Variants in DENND6B observed in about 807,000 individuals in gnomAD.
DENND6B encodes the protein DENN domain containing 6B, also known as protein DENND6B.
DENND6B carries 73 observed loss-of-function variants against 85.1 expected under a neutral mutation model. The observed-to-expected ratio is 0.86, with a 90% CI of 0.71 to 1.04. The LOEUF (loss-of-function observed/expected upper bound fraction) is 1.04, where lower values mean the gene tolerates loss of function less well. DENND6B is among the 50% of genes least tolerant of loss of function. The probability of loss-of-function intolerance (pLI) is 0.00; values close to 1 mark genes in which losing one functional copy is unlikely to be tolerated. For missense variants in DENND6B, 715 were observed against 785.8 expected (o/e 0.91, Z 1.08); for synonymous variants, 357 against 329.3 (o/e 1.08, Z -0.91).
intron 14 of DENND6B, 21 bp downstream of exon 14, chr22:50,313,793 C>A (rs370557780): frequency 3.1e-6 from 5 of 1,611,608 alleles, no homozygotes; most frequent in Non-Finnish European, 4.2e-6. Flanking sequence ...GTCCCCAGCC[C>A]CTGCCCCACA....
intron 5 of DENND6B, 75 bp downstream of exon 5, chr22:50,317,218 G>C: frequency 1.9e-6 from 3 of 1,544,194 alleles, no homozygotes; most frequent in Non-Finnish European, 2.6e-6. Context: ...CCCCTTGCCC[G>C]CCCACAGCCC....
At chr22:50,313,246 T>C in intron 16 of DENND6B, 138 bp from the exon 17 acceptor site, 1 of 1,152,286 alleles carries the variant, frequency 8.7e-7, no homozygotes, top group South Asian at 1.5e-5. Context: ...CAGGACAGCC[T>C]TTCCCAGGGA....
At position 50,313,707 on chromosome 22, in the gene DENND6B, C is replaced by A; in HGVS notation, c.1221G>T (p.Arg407=). 6.2e-7 allele frequency: 1 copy of A among 1,601,980 alleles called. No individual in the cohort carries two copies. The highest frequency in any genetic ancestry group is 1.7e-5 in the Admixed American group (1 of 58,394). Residue 407 remains arginine, a synonymous_variant, in exon 15 of 20, where the codon CGG becomes CGT. Coordinates refer to ENST00000413817, the MANE Select transcript of DENND6B (RefSeq NM_001001794.4). ...KRLLKGVQKK[R]PSDVQSALLR... ...GCAGGGCGCTCTGCACATCTGACGG[C>A]CGCTTCTTCTGCACGCCCTGCAGGG...
rs766383715 is a variant in DENND6B, at chr22:50,313,594, C to G, written c.1293+41G>C. 1.5e-5 allele frequency: 23 copies of G among 1,524,394 alleles called. No individual in the cohort carries two copies. In the East Asian group the frequency reaches 5.7e-4, roughly 38 times the overall value. The allele number at this position is 1,524,394 out of a possible 1,614,324, so 94.4% of individuals were successfully genotyped here. On this transcript the variant is annotated intron_variant, in intron 15 of 19. Coordinates refer to ENST00000413817, the MANE Select transcript of DENND6B (RefSeq NM_001001794.4). ...CCCCCCCAACCCCATCCCCCCAGCC[C>G]CGTGCCCCCCAGTCCCATGTCCCCC... is the stretch of plus-strand genomic sequence containing the variant.
chr22:50,326,872 G>T lies in DENND6B; in HGVS notation c.117C>A (p.Ser39=). 1 of 1,422,946 alleles carries T rather than the reference G, an allele frequency of 7.0e-7. No homozygotes were observed. The highest frequency in any genetic ancestry group is 1.4e-5 in the South Asian group (1 of 71,604). The allele number at this position is 1,422,946 out of a possible 1,614,324, so 88.1% of individuals were successfully genotyped here. The change falls in exon 1 of 20, where the codon TCC becomes TCA. Residue 39 remains serine, a synonymous_variant. Coordinates refer to ENST00000413817, the MANE Select transcript of DENND6B (RefSeq NM_001001794.4). ...RTPAAPWARF[S]AWLECVCVVT... ...CCACGCACACACACTCCAGCCAGGC[G>T]GAGAAGCGCGCCCAGGGCGCCGCCG...
chr22:50,313,741 G>C lies in DENND6B; in HGVS notation c.1204-17C>G. ...CTGCACGCCCTGCAGGGGAGAGAGG[G>C]CCAGGCCCTTGCTGCGCTTCACACC... On this transcript the variant is annotated splice_polypyrimidine_tract_variant and intron_variant, in intron 14 of 19. Coordinates refer to ENST00000413817, the MANE Select transcript of DENND6B (RefSeq NM_001001794.4). 1 of 1,604,662 alleles carries C rather than the reference G, an allele frequency of 6.2e-7. No homozygotes were observed. The highest frequency in any genetic ancestry group is 2.2e-5 in the East Asian group (1 of 44,606).
intron 8 of DENND6B, 61 bp from the exon 9 acceptor site, chr22:50,315,830 C>T: frequency 1.4e-6 from 2 of 1,476,758 alleles, no homozygotes; most frequent in Non-Finnish European, 1.8e-6. Context: ...GGGCCCCAAG[C>T]AGCCCCTGCC....
intron 19 of DENND6B, 22 bp downstream of exon 19, chr22:50,312,321 A>T: frequency 1.2e-6 from 2 of 1,611,330 alleles, no homozygotes; most frequent in Non-Finnish European, 1.7e-6. Context: ...TGGCGCTGGG[A>T]CAAGGCTGGG....
At chr22:50,323,978 T>G (rs1274926476) in intron 1 of DENND6B, among the ~76,000 whole-genome samples, 3 of 152,114 alleles carry the variant, frequency 2.0e-5, no homozygotes, top group Non-Finnish European at 4.4e-5. Flanking sequence ...CAAGTGATCC[T>G]CCTGCCTCGG....
At chr22:50,325,394 A>G (rs1030756416) in intron 1 of DENND6B, among the ~76,000 whole-genome samples, 2 of 146,280 alleles carry the variant, frequency 1.4e-5, no homozygotes, top group East Asian at 4.0e-4. Flanking sequence ...CTGGAGCGCA[A>G]TGGTGCAATC....
rs1408189438 is a variant in DENND6B at position 50,311,093 on chromosome 22, G to A, written c.*1046C>T. 6.6e-6 allele frequency: 1 copy of A among 152,290 alleles called. No individual in the cohort carries two copies. The highest frequency in any genetic ancestry group is 1.5e-5 in the Non-Finnish European group (1 of 68,080). 9.4% of individuals were successfully genotyped at this position (152,290 alleles called of 1,614,324 possible). On this transcript the variant is annotated 3_prime_UTR_variant, in exon 20 of 20. Transcript: ENST00000413817. The stretch of plus-strand genomic sequence containing the variant: ...TGCATGGCTGGCTCGCTCAGATGAG[G>A]AGTCTGAGGGTCTGAGTGGTCAGGG...
intron 4 of DENND6B, among the ~76,000 whole-genome samples, 183 bp from the exon 5 acceptor site, chr22:50,317,556 CAGA>C (rs1358842045): frequency 2.0e-5 from 3 of 152,042 alleles, no homozygotes; most frequent in Non-Finnish European, 4.4e-5. Flanking sequence ...GTCCTGGGCT[CAGA>C]AGGTGGGCAA....
rs2068100348 is a variant in DENND6B at position 50,312,983 on chromosome 22, C to T, written c.1457+16G>A. On this transcript the variant is annotated intron_variant, in intron 17 of 19. Coordinates refer to ENST00000413817, the MANE Select transcript of DENND6B (RefSeq NM_001001794.4). ...CCAAGGAGGGCTCAAGCTGCCTGCA[C>T]CTGCAGTCCACGCACCTGTAGAGAC... The T allele has an allele frequency of 6.5e-7, 1 of 1,547,922 alleles. No individual in the cohort carries two copies. Among genetic ancestry groups the T allele is most frequent in the Non-Finnish European group, 8.7e-7 (1 of 1,145,392 alleles).
intron 13 of DENND6B, 155 bp from the exon 14 acceptor site, chr22:50,314,033 C>T (rs919361183): frequency 2.1e-4 from 273 of 1,269,862 alleles, no homozygotes; most frequent in Non-Finnish European, 2.7e-4. Flanking sequence ...CCCCAGACAC[C>T]GAGACCCACT....
rs868515811 is a variant in DENND6B at position 50,309,043 on chromosome 22, G to C, written c.*3096C>G. ...GAAAAGACAAGGTCCAGTCACAAAA[G>C]GACATTTTAATACCAAAACTGTGGG... On this transcript the variant is annotated 3_prime_UTR_variant, in exon 20 of 20. Coordinates refer to ENST00000413817, the MANE Select transcript of DENND6B (RefSeq NM_001001794.4). 6.6e-6 allele frequency: 1 copy of C among 152,184 alleles called. No homozygotes were observed. Among genetic ancestry groups the C allele is most frequent in the Non-Finnish European group, 1.5e-5 (1 of 68,036 alleles). The allele number at this position is 152,184 out of a possible 1,614,324, so 9.4% of individuals were successfully genotyped here.
chr22:50,314,021 C>T (rs1037808785), intron 13 of DENND6B, 143 bp from the exon 14 acceptor site: 29 of 1,280,122 alleles, frequency 2.3e-5, no homozygotes, highest in Non-Finnish European at 2.9e-5. Flanking sequence ...CACCCACCCA[C>T]CCCCCAGACA....
At chr22:50,313,987 G>A in intron 13 of DENND6B, 109 bp from the exon 14 acceptor site, 1 of 1,392,058 alleles carries the variant, frequency 7.2e-7, no homozygotes, top group Non-Finnish European at 9.5e-7. Flanking sequence ...GCAGCCCCAT[G>A]CCCTTGGCTG....
At chr22:50,325,023 C>G (rs1047820826) in intron 1 of DENND6B, among the ~76,000 whole-genome samples, 1 of 152,148 alleles carries the variant, frequency 6.6e-6, no homozygotes, top group Non-Finnish European at 1.5e-5. Flanking sequence ...AAAACGACCT[C>G]GATCTTCCCT....
rs572475795 is a variant in DENND6B, at chr22:50,311,291, A to G, written c.*848T>C. On this transcript the variant is annotated 3_prime_UTR_variant, in exon 20 of 20. Transcript: ENST00000413817. ...CCAGAGGTGGCTCTTAGGGACGTTC[A>G]CCCCTTACCAAGGAAAGGGAGACAT... 6.6e-6 allele frequency: 1 copy of G among 152,106 alleles called. No homozygotes were observed. The highest frequency in any genetic ancestry group is 1.5e-5 in the Non-Finnish European group (1 of 68,062). 9.4% of individuals were successfully genotyped at this position (152,106 alleles called of 1,614,324 possible).
Sources: allele counts gnomAD v4.1 joint callset (sites outside exome capture counted in the v4.1 genomes callset), GRCh38; gene constraint gnomAD v4.1.1; transcripts MANE v1.5; gene names NCBI Gene and HGNC (gene_info 2026-07-23, HGNC 2026-07-21).